The following ZNF385D variants were observed in gnomAD, a reference collection of about 807,000 sequenced individuals.
ZNF385D encodes the protein zinc finger protein 385D.
In ZNF385D, 15 loss-of-function variants were observed where a neutral mutation model predicts 35.8. The ratio of observed to expected loss-of-function variants is 0.42; its 90% CI spans 0.28 to 0.64. ZNF385D has a LOEUF of 0.64. ZNF385D is among the 30% of genes least tolerant of loss of function. ZNF385D has a pLI of 0.23. For missense variants in ZNF385D, 474 were observed against 494.6 expected, an observed-to-expected ratio of 0.96 and a Z score of 0.39; for synonymous variants, 212 against 186.8, an observed-to-expected ratio of 1.13 and a Z score of -1.10.
At position 21,964,547 on chromosome 3, in the gene ZNF385D, T is replaced by C. The variant is rs1702794935; in HGVS notation, c.325+204270A>G. 2.3e-5 allele frequency among the ~76,000 whole-genome samples: 3 copies of C among 130,114 alleles called. No homozygotes were observed. The South Asian group carries it at 8.1e-4, about 35-fold the overall frequency. The allele number at this position is 130,114 out of a possible 152,430, so 85.4% of individuals were successfully genotyped here. A position where few individuals can be genotyped will look rare whatever the true frequency, so the allele number is the denominator to read the frequency against. ...CTCTGTCGCCCAGGCTGGTGTGCAGTGACACAATCTTGGCTCACTGCAACC... is the reference window on the plus strand; with the variant it reads ...CTCTGTCGCCCAGGCTGGTGTGCAGCGACACAATCTTGGCTCACTGCAACC... On this transcript the variant is annotated intron_variant, in intron 3 of 5. Transcript: ENST00000494108.
At chr3:21,930,254 T>C (rs1000441215) in intron 3 of ZNF385D, among the ~76,000 whole-genome samples, 2 of 148,324 alleles carry the variant, frequency 1.3e-5, no homozygotes, top group South Asian at 2.2e-4. Context: ...AAAAGTAAAG[T>C]TGAACACTTT....
At chr3:22,183,259 T>C (rs1378415088) in intron 2 of ZNF385D, among the ~76,000 whole-genome samples, 1 of 152,214 alleles carries the variant, frequency 6.6e-6, no homozygotes, top group Non-Finnish European at 1.5e-5. Context: ...GTAGTTAAAA[T>C]TAAATTATCT....
intron 1 of ZNF385D, among the ~76,000 whole-genome samples, chr3:21,746,529 C>G (rs2069778237): frequency 6.6e-6 from 1 of 152,148 alleles, no homozygotes. Flanking sequence ...CATTCTCCAG[C>G]CCTGTTTTGT....
chr3:22,214,484 G>T (rs1443108315), intron 2 of ZNF385D, among the ~76,000 whole-genome samples: 3 of 152,074 alleles, frequency 2.0e-5, no homozygotes, highest in African/African-American at 7.2e-5. Context: ...GCTGAGCCAG[G>T]CGGAACAGAG....
intron 1 of ZNF385D, among the ~76,000 whole-genome samples, chr3:21,687,243 G>C (rs752946603): frequency 6.6e-6 from 1 of 152,118 alleles, no homozygotes; most frequent in South Asian, 2.1e-4. Context: ...GATAAATGCC[G>C]CTATATGAAT....
chr3:22,031,141 T>G (rs1697974063), intron 3 of ZNF385D, among the ~76,000 whole-genome samples: 1 of 152,192 alleles, frequency 6.6e-6, no homozygotes, highest in Admixed American at 6.5e-5. Context: ...AGGCTGGTGT[T>G]GAGTGCCTGC....
chr3:21,849,223 C>A (rs1696213528), intron 3 of ZNF385D, among the ~76,000 whole-genome samples: 1 of 151,972 alleles, frequency 6.6e-6, no homozygotes, highest in South Asian at 2.1e-4. Context: ...AAATTTTTTT[C>A]TTCATATGTA....
intron 3 of ZNF385D, among the ~76,000 whole-genome samples, chr3:21,791,026 C>T (rs1181744769): frequency 6.6e-6 from 1 of 152,208 alleles, no homozygotes; most frequent in Admixed American, 6.5e-5. Context: ...ACCAAGCAGG[C>T]ATAGCGCCAT....
chr3:21,648,770 C>T (rs1162428059), intron 2 of ZNF385D, among the ~76,000 whole-genome samples: 1 of 152,152 alleles, frequency 6.6e-6, no homozygotes, highest in South Asian at 2.1e-4. Flanking sequence ...GCCACCCTCA[C>T]AGCTACCCAA....
chr3:22,203,461 T>C (rs1299696162), intron 2 of ZNF385D, among the ~76,000 whole-genome samples: 1 of 152,104 alleles, frequency 6.6e-6, no homozygotes, highest in Non-Finnish European at 1.5e-5. Flanking sequence ...TCCCTTCTTC[T>C]TGAGAAAAGC....
intron 2 of ZNF385D, among the ~76,000 whole-genome samples, chr3:22,345,812 G>C (rs934624514): frequency 6.6e-6 from 1 of 152,132 alleles, no homozygotes; most frequent in African/African-American, 2.4e-5. Flanking sequence ...CTTTCCCAGG[G>C]TCTCTCAGAT....
chr3:21,875,233 G>GTTT (rs1697903188), intron 3 of ZNF385D, among the ~76,000 whole-genome samples: 1 of 148,312 alleles, frequency 6.7e-6, no homozygotes, highest in African/African-American at 2.5e-5. Context: ...CAATATGAAT[G>GTTT]TCTTTTTATT....
intron 3 of ZNF385D, among the ~76,000 whole-genome samples, chr3:21,848,776 T>A (rs118068889): frequency 0.011 from 1,627 of 152,156 alleles, 63 homozygotes; most frequent in Admixed American, 0.08. Flanking sequence ...TCCAGGACCA[T>A]ATGGCTTCAC....
At chr3:22,031,212 T>C (rs77097265) in intron 3 of ZNF385D, among the ~76,000 whole-genome samples, 13,311 of 152,222 alleles carry the variant, frequency 0.087, 622 homozygotes, top group East Asian at 0.16. Flanking sequence ...GTCTGAAGAA[T>C]GGTAGCCCTT....
Position 22,284,775 on chromosome 3 carries a change from C to G in ZNF385D, c.106+87675G>C, listed in dbSNP as rs182295767. Among the ~76,000 whole-genome samples the G allele has an allele frequency of 4.3e-3, 650 of 152,112 alleles. 8 individuals are homozygous for G. Among genetic ancestry groups the G allele is most frequent in the African/African-American group, 0.015 (628 of 41,492 alleles). ...ATGAAAATAAATAAGATAAAATTTACAATCATAATTTAAGAATGTCAGGAG... is the reference window on the plus strand; with the variant it reads ...ATGAAAATAAATAAGATAAAATTTAGAATCATAATTTAAGAATGTCAGGAG... On this transcript the variant is annotated intron_variant, in intron 2 of 5. Transcript: ENST00000494108.
intron 2 of ZNF385D, among the ~76,000 whole-genome samples, chr3:22,354,540 G>T (rs887624082): frequency 1.3e-4 from 19 of 151,844 alleles, no homozygotes; most frequent in African/African-American, 3.9e-4. Flanking sequence ...AAATTAAATT[G>T]TATTCATTCA....
intron 3 of ZNF385D, among the ~76,000 whole-genome samples, chr3:22,164,342 C>A (rs1460235635): frequency 1.3e-5 from 2 of 150,130 alleles, no homozygotes; most frequent in Non-Finnish European, 3.0e-5. Context: ...AATTCTCCTG[C>A]CTCAGCCTCC....
At chr3:21,891,626 T>C (rs1170890062) in intron 3 of ZNF385D, among the ~76,000 whole-genome samples, 1 of 152,224 alleles carries the variant, frequency 6.6e-6, no homozygotes, top group African/African-American at 2.4e-5. Flanking sequence ...ATTGATGGAA[T>C]GAATGCTTTG....
At chr3:21,925,834 CT>C (rs1700700683) in intron 3 of ZNF385D, among the ~76,000 whole-genome samples, 1 of 151,984 alleles carries the variant, frequency 6.6e-6, no homozygotes, top group Admixed American at 6.6e-5. Context: ...CAAAAAACAC[CT>C]TGCCAAAATG....
Sources: gnomAD v4.1 joint callset for allele counts (sites outside exome capture counted in the v4.1 genomes callset) on GRCh38, gnomAD v4.1.1 for gene constraint, MANE v1.5 for transcripts, NCBI Gene and HGNC (gene_info 2026-07-23, HGNC 2026-07-21) for gene names.